HSF2: variants seen among roughly 807,000 people sequenced by gnomAD.
HSF2 encodes heat shock factor protein 2.
Under a neutral mutation model 65.0 loss-of-function variants are expected in HSF2, and 21 were observed. That is an observed-to-expected ratio of 0.32 (90% CI 0.23 to 0.47). HSF2 has a LOEUF of 0.47. HSF2 is among the 20% of genes least tolerant of loss of function. The pLI is 1.00. For synonymous variants in HSF2, 225 were observed against 219.1 expected (o/e 1.03, Z -0.24); for missense variants, 499 against 628.1 (o/e 0.79, Z 2.20).
chr6:122,399,674 A>AGCTGCCGCCGCC lies in HSF2; in HGVS notation c.-60_-49dup. The AGCTGCCGCCGCC allele has an allele frequency of 2.1e-6, 3 of 1,399,930 alleles. No homozygotes were observed. Among genetic ancestry groups the AGCTGCCGCCGCC allele is most frequent in the Non-Finnish European group, 3.0e-6 (3 of 997,934 alleles). The allele number at this position is 1,399,930 out of a possible 1,614,324, so 86.7% of individuals were successfully genotyped here. A position where few individuals can be genotyped will look rare whatever the true frequency, so the allele number is the denominator to read the frequency against. ...GGCGTTCTCGGGGAGCTGCTGCCGT[A>AGCTGCCGCCGCC]GCTGCCGCCGCCGCTACCACCGCGT... On this transcript the variant is annotated 5_prime_UTR_variant, in exon 1 of 13. Transcript: ENST00000368455.
At chr6:122,400,413 T>A (rs1269302644) in intron 1 of HSF2, among the ~76,000 whole-genome samples, 1 of 152,220 alleles carries the variant, frequency 6.6e-6, no homozygotes, top group Non-Finnish European at 1.5e-5. Flanking sequence ...TTTAAAAATA[T>A]ATAGAAATTA....
chr6:122,431,564 C>A, intron 12 of HSF2, 50 bp downstream of exon 12: 1 of 1,034,958 alleles, frequency 9.7e-7, no homozygotes, highest in African/African-American at 1.6e-5. Context: ...TAATCCTATG[C>A]AGAAACAAGT....
intron 7 of HSF2, 132 bp from the exon 8 acceptor site, chr6:122,422,018 G>A (rs1400017120): frequency 1.6e-6 from 1 of 627,782 alleles, no homozygotes; most frequent in Non-Finnish European, 2.8e-6. Context: ...TTCCGTAAGA[G>A]CAGAGAACAC....
intron 8 of HSF2, 112 bp downstream of exon 8, chr6:122,422,410 G>A (rs1774256718): frequency 3.3e-6 from 3 of 907,646 alleles, no homozygotes; most frequent in African/African-American, 3.4e-5. Context: ...CTCACATTTG[G>A]ATTATTAAAC....
intron 6 of HSF2, 74 bp downstream of exon 6, chr6:122,419,303 C>T: frequency 1.5e-6 from 1 of 665,428 alleles, no homozygotes; most frequent in South Asian, 1.9e-5. Flanking sequence ...CATGAGTAGC[C>T]TACACTTGCT....
intron 8 of HSF2, 86 bp from the exon 9 acceptor site, chr6:122,422,630 GGA>G (rs984731871): frequency 8.8e-6 from 12 of 1,367,742 alleles, no homozygotes; most frequent in Non-Finnish European, 1.2e-5. Context: ...TGTGGTATGG[GGA>G]GAGAGTTTCC....
At chr6:122,405,898 G>T (rs551003240) in intron 1 of HSF2, among the ~76,000 whole-genome samples, 2 of 152,168 alleles carry the variant, frequency 1.3e-5, no homozygotes, top group Non-Finnish European at 2.9e-5. Flanking sequence ...GAGATATCTT[G>T]TTAGAGATAC....
intron 10 of HSF2, among the ~76,000 whole-genome samples, chr6:122,427,682 A>C (rs925184556): frequency 1.3e-5 from 2 of 152,016 alleles, no homozygotes; most frequent in African/African-American, 4.8e-5. Context: ...TTTTTTAGAG[A>C]AATTCTTACC....
intron 6 of HSF2, among the ~76,000 whole-genome samples, chr6:122,419,432 G>C (rs528476991): frequency 6.6e-6 from 1 of 151,802 alleles, no homozygotes; most frequent in Non-Finnish European, 1.5e-5. Context: ...GAGAGATAAG[G>C]GTAGCCTAAA....
chr6:122,407,593 T>G lies in HSF2; in HGVS notation c.94-4780T>G, dbSNP rs904883333. ...AATGTTTGTTTTGCCATTTTTCTGT[T>G]TTTTTTTTTATTATTTGTGAGAATT... On this transcript the variant is annotated intron_variant, in intron 1 of 12. Transcript: ENST00000368455. Among the ~76,000 whole-genome samples the G allele has an allele frequency of 3.1e-3, 44 of 13,980 alleles. No individual in the cohort carries two copies. In the South Asian group the frequency reaches 0.04, roughly 13 times the overall value. 9.2% of individuals were successfully genotyped at this position (13,980 alleles called of 152,430 possible).
intron 10 of HSF2, 99 bp downstream of exon 10, chr6:122,423,785 G>A (rs1657103513): frequency 1.8e-6 from 1 of 550,270 alleles, no homozygotes; most frequent in Admixed American, 3.3e-5. Context: ...TCTACAGGTT[G>A]TTTTTGCATT....
chr6:122,412,841 G>C (rs1381115734), intron 3 of HSF2, 77 bp downstream of exon 3: 2 of 1,321,056 alleles, frequency 1.5e-6, no homozygotes, highest in African/African-American at 1.5e-5. Flanking sequence ...TTCAGCTGTT[G>C]AAAGTACAGA....
intron 1 of HSF2, among the ~76,000 whole-genome samples, chr6:122,411,145 A>G (rs1371441690): frequency 6.6e-6 from 1 of 151,732 alleles, no homozygotes; most frequent in Non-Finnish European, 1.5e-5. Context: ...GATAATAGCC[A>G]TTCTAATGGG....
At position 122,399,720 on chromosome 6, in the gene HSF2, C is replaced by G; in HGVS notation, c.-18C>G. Reference sequence around the variant, plus strand: ...CGCGTTCGGGTGTAGAATTTGGAATCCCTGCGCCGCGTTAACAATGAAGCA... The same window carrying G: ...CGCGTTCGGGTGTAGAATTTGGAATGCCTGCGCCGCGTTAACAATGAAGCA... On this transcript the variant is annotated 5_prime_UTR_variant, in exon 1 of 13. It adds an upstream start codon to the 5' untranslated region. Transcript: ENST00000368455. 1 of 1,606,608 alleles carries G rather than the reference C, an allele frequency of 6.2e-7. No individual in the cohort carries two copies. Among genetic ancestry groups the G allele is most frequent in the Non-Finnish European group, 8.5e-7 (1 of 1,175,662 alleles).
intron 5 of HSF2, among the ~76,000 whole-genome samples, chr6:122,417,317 T>C (rs111283332): frequency 3.9e-5 from 6 of 152,304 alleles, no homozygotes; most frequent in African/African-American, 1.2e-4. Flanking sequence ...ACCTGTACTT[T>C]ATGGAAACAG....
intron 4 of HSF2, 64 bp from the exon 5 acceptor site, chr6:122,416,157 T>C: frequency 1.0e-6 from 1 of 956,028 alleles, no homozygotes; most frequent in South Asian, 1.4e-5. Context: ...TAATTAAAGA[T>C]ACTATGGTCT....
chr6:122,422,430 A>T, intron 8 of HSF2, 132 bp downstream of exon 8: 3 of 797,750 alleles, frequency 3.8e-6, no homozygotes, highest in Non-Finnish European at 6.1e-6. Flanking sequence ...CTTGATAATT[A>T]AGCTAAATTA....
At chr6:122,406,211 A>G (rs1773863429) in intron 1 of HSF2, among the ~76,000 whole-genome samples, 1 of 152,222 alleles carries the variant, frequency 6.6e-6, no homozygotes, top group South Asian at 2.1e-4. Flanking sequence ...TAAATTGATA[A>G]CTGGCCCATA....
Position 122,399,842 on chromosome 6 carries a change from C to T in HSF2, c.93+12C>T. The T allele has an allele frequency of 6.2e-7, 1 of 1,602,134 alleles. No individual in the cohort carries two copies. The highest frequency in any genetic ancestry group is 1.3e-5 in the African/African-American group (1 of 74,640). On this transcript the variant is annotated intron_variant, in intron 1 of 12. Coordinates refer to ENST00000368455, the MANE Select transcript of HSF2 (RefSeq NM_004506.4). ...TCACCTGGAGCCAGGTACGGTCAGG[C>T]CACGGCGGCCTCTGAACCCCCTGAA...
Sources: gnomAD v4.1 joint callset for allele counts (sites outside exome capture counted in the v4.1 genomes callset) on GRCh38, gnomAD v4.1.1 for gene constraint, MANE v1.5 for transcripts, NCBI Gene and HGNC (gene_info 2026-07-23, HGNC 2026-07-21) for gene names.